LDHAL6A: variants seen among roughly 807,000 people sequenced by gnomAD.
The protein encoded by LDHAL6A is lactate dehydrogenase A like 6A.
A neutral mutation model predicts 28.2 loss-of-function variants in LDHAL6A; 19 were observed. The observed-to-expected ratio is 0.67, with a 90% CI of 0.47 to 0.99. The LOEUF (loss-of-function observed/expected upper bound fraction) is 0.99, where lower values mean the gene tolerates loss of function less well. LDHAL6A is among the 50% of genes least tolerant of loss of function. The probability of loss-of-function intolerance (pLI) is 0.00; values close to 1 mark genes in which losing one functional copy is unlikely to be tolerated. For synonymous variants in LDHAL6A, 144 were observed against 134.4 expected (o/e 1.07, Z -0.49); for missense variants, 372 against 398.6 (o/e 0.93, Z 0.57).
At chr11:18,463,312 A>G (rs1431025804) in intron 1 of LDHAL6A, among the ~76,000 whole-genome samples, 4 of 152,152 alleles carry the variant, frequency 2.6e-5, no homozygotes. Context: ...GAATTTAGCA[A>G]TCGCAGCCTC....
At chr11:18,467,466 G>A (rs1360596731) in intron 3 of LDHAL6A, among the ~76,000 whole-genome samples, 1 of 152,002 alleles carries the variant, frequency 6.6e-6, no homozygotes, top group Admixed American at 6.6e-5. Context: ...AATATATCAT[G>A]AAGCTCAACT....
rs367569227 is a variant in LDHAL6A, at chr11:18,456,801, T to C, written c.121T>C (p.Leu41=). ...VGVACAISIL[L]KGLSDELVLV... ...TGTGGCTTGTGCTATCAGCATCTTATTAAAAGTAAGTTGTGTGCTCTGCAC... is the reference window on the plus strand; with the variant it reads ...TGTGGCTTGTGCTATCAGCATCTTACTAAAAGTAAGTTGTGTGCTCTGCAC... The change falls in exon 1 of 7, where the codon TTA becomes CTA. Residue 41 remains leucine (L), a synonymous_variant. Coordinates refer to ENST00000280706, the MANE Select transcript of LDHAL6A (RefSeq NM_144972.5). 6 of 1,612,518 alleles carry C rather than the reference T, an allele frequency of 3.7e-6. No homozygotes were observed. The African/African-American group carries it at 6.7e-5, about 18-fold the overall frequency.
In LDHAL6A at chr11:18,460,435, T is replaced by A. The variant is rs1453791731; in HGVS notation, c.127-3526T>A. On this transcript the variant is annotated intron_variant, in intron 1 of 6. Transcript: ENST00000280706. ...GGTGAAACCCCATCTCTACTAAAAA[T>A]ATAAAAAACTAGCTGGGCACGGTGG... Among the ~76,000 whole-genome samples the A allele has an allele frequency of 2.0e-5, 3 of 151,270 alleles. No individual in the cohort carries two copies. In the East Asian group the frequency reaches 5.8e-4, roughly 29 times the overall value.
intron 3 of LDHAL6A, chr11:18,469,313 G>A (rs761413895): frequency 3.0e-5 from 14 of 472,268 alleles, no homozygotes; most frequent in East Asian, 6.8e-5. Flanking sequence ...TCAAAGTACC[G>A]CGTCATTAAG....
chr11:18,471,831 G>T (rs1303613459), intron 3 of LDHAL6A, among the ~76,000 whole-genome samples: 15 of 143,982 alleles, frequency 1.0e-4, no homozygotes, highest in South Asian at 4.4e-4. Flanking sequence ...ATGAAGGTTT[G>T]TAATTGTTGA....
At chr11:18,465,002 GGTTT>G (rs1849026912) in intron 2 of LDHAL6A, among the ~76,000 whole-genome samples, 1 of 83,932 alleles carries the variant, frequency 1.2e-5, no homozygotes, top group African/African-American at 5.8e-5. Flanking sequence ...GTTTTGTTTT[GGTTT>G]GTTTTTGAGA....
chr11:18,461,152 G>GTT (rs34501848), intron 1 of LDHAL6A, among the ~76,000 whole-genome samples: 52,309 of 143,292 alleles, frequency 0.37, 10,109 homozygotes, highest in African/African-American at 0.52. Context: ...TCATTTACTT[G>GTT]TTTTTTTTTT....
intron 3 of LDHAL6A, among the ~76,000 whole-genome samples, chr11:18,468,019 ATATACG>A (rs1485494029): frequency 6.3e-5 from 4 of 63,372 alleles, no homozygotes; most frequent in African/African-American, 2.6e-4. Context: ...ATATACATAT[ATATACG>A]TATATATATA....
intron 4 of LDHAL6A, 106 bp downstream of exon 4, chr11:18,475,745 C>T (rs1849360840): frequency 2.3e-6 from 2 of 886,098 alleles, no homozygotes; most frequent in Admixed American, 3.3e-5. Context: ...CTTTATTCCA[C>T]TTTAGGCCCT....
rs148037809 is a variant in LDHAL6A at position 18,460,362 on chromosome 11, C to T, written c.126+3556C>T. On this transcript the variant is annotated intron_variant, in intron 1 of 6. Coordinates refer to ENST00000280706, the MANE Select transcript of LDHAL6A (RefSeq NM_144972.5). ...ATCCCAGCACTTTGGGAGGCCAAGGCGGGTGGATCACCTGAGGTCAGGAGT... is the reference window on the plus strand; with the variant it reads ...ATCCCAGCACTTTGGGAGGCCAAGGTGGGTGGATCACCTGAGGTCAGGAGT... Among the ~76,000 whole-genome samples, 912 of 152,042 alleles carry T rather than the reference C, an allele frequency of 6.0e-3. 12 individuals carry two copies. Among genetic ancestry groups the T allele is most frequent in the African/African-American group, 0.02 (838 of 41,406 alleles).
intron 2 of LDHAL6A, among the ~76,000 whole-genome samples, chr11:18,464,997 G>GTTTTTTTTTT (rs1297634223): frequency 8.1e-6 from 1 of 122,880 alleles, no homozygotes; most frequent in Non-Finnish European, 1.7e-5. Flanking sequence ...GTTTTGTTTT[G>GTTTTTTTTTT]TTTTGGTTTG....
intron 2 of LDHAL6A, among the ~76,000 whole-genome samples, chr11:18,464,968 G>GTTTTTTTTTTTTTTTTTTTTTTTTTTTTT (rs1565068644): frequency 5.3e-4 from 2 of 3,804 alleles, no homozygotes; most frequent in African/African-American, 9.1e-4. Context: ...GAGGTGAGGT[G>GTTTTTTTTTTTTTTTTTTTTTTTTTTTTT]TTTTTTTTGT....
chr11:18,471,777 A>C (rs1849262683), intron 3 of LDHAL6A, among the ~76,000 whole-genome samples: 1 of 151,342 alleles, frequency 6.6e-6, no homozygotes, highest in Non-Finnish European at 1.5e-5. Flanking sequence ...AAAAAAAAAA[A>C]AAAAATTTTT....
Position 18,477,790 on chromosome 11 carries a change from G to A in LDHAL6A, c.834+47G>A, listed in dbSNP as rs572037130. 2,314 of 1,546,078 alleles carry A rather than the reference G, an allele frequency of 1.5e-3. 59 individuals are homozygous for A. In the South Asian group the frequency reaches 0.027, roughly 18 times the overall value. On this transcript the variant is annotated intron_variant, in intron 6 of 6. Transcript: ENST00000280706. ...AATCATTAACTCAACATAAAATAGG[G>A]GGGTAAAGAACATTTTTGAGGCACT...
intron 3 of LDHAL6A, among the ~76,000 whole-genome samples, chr11:18,474,515 TAGCTGGGACTACAG>T (rs1329890408): frequency 3.3e-5 from 5 of 152,148 alleles, no homozygotes; most frequent in Non-Finnish European, 5.9e-5. Context: ...GTCTCCCAAA[TAGCTGGGACTACAG>T]GCGCGCACCA....
chr11:18,465,398 CA>C (rs1849038901), intron 2 of LDHAL6A, among the ~76,000 whole-genome samples: 1 of 149,648 alleles, frequency 6.7e-6, no homozygotes, highest in South Asian at 2.1e-4. Flanking sequence ...GCTGGGATTA[CA>C]GGGGTGAGCC....
chr11:18,467,969 G>A (rs7938636), intron 3 of LDHAL6A, among the ~76,000 whole-genome samples: 18,217 of 56,578 alleles, frequency 0.32, 4,540 homozygotes, highest in African/African-American at 0.55. Flanking sequence ...ATATATATAC[G>A]TATATATATA....
At chr11:18,472,298 C>G (rs1489489288) in intron 3 of LDHAL6A, among the ~76,000 whole-genome samples, 1 of 152,164 alleles carries the variant, frequency 6.6e-6, no homozygotes, top group East Asian at 1.9e-4. Context: ...TACCATACTT[C>G]TCTCCATCTC....
At chr11:18,465,424 ACGTT>A (rs1316591233) in intron 2 of LDHAL6A, among the ~76,000 whole-genome samples, 10 of 113,016 alleles carry the variant, frequency 8.8e-5, no homozygotes, top group Admixed American at 2.5e-4. Context: ...CACATGACTT[ACGTT>A]TTTTTTTTTT....
Sources: gnomAD v4.1 joint callset for allele counts (sites outside exome capture counted in the v4.1 genomes callset) on GRCh38, gnomAD v4.1.1 for gene constraint, MANE v1.5 for transcripts, NCBI Gene and HGNC (gene_info 2026-07-23, HGNC 2026-07-21) for gene names.